The following SYN2 variants were observed in gnomAD, a reference collection of about 807,000 sequenced individuals.
SYN2 encodes synapsin II.
Under a neutral mutation model 50.9 loss-of-function variants are expected in SYN2, and 19 were observed. That is an observed-to-expected ratio of 0.37 (90% CI 0.26 to 0.55). The LOEUF (loss-of-function observed/expected upper bound fraction) is 0.55. SYN2 is among the 20% of genes least tolerant of loss of function. SYN2 has a pLI of 0.81. For missense variants in SYN2, 587 were observed against 576.4 expected (o/e 1.02, Z -0.19); for synonymous variants, 255 against 224.9 (o/e 1.13, Z -1.20).
intron 1 of SYN2, among the ~76,000 whole-genome samples, chr3:12,027,453 C>T: frequency 6.6e-6 from 1 of 152,052 alleles, no homozygotes; most frequent in East Asian, 1.9e-4. Context: ...CTTGAGATGT[C>T]CCTAGATCCT....
chr3:12,021,531 T>C (rs1694134023), intron 1 of SYN2, among the ~76,000 whole-genome samples: 1 of 152,184 alleles, frequency 6.6e-6, no homozygotes, highest in Non-Finnish European at 1.5e-5. Flanking sequence ...GGTGGACCAC[T>C]TGAGCCCTGT....
intron 10 of SYN2, among the ~76,000 whole-genome samples, chr3:12,170,895 A>G (rs895375759): frequency 1.3e-5 from 2 of 152,242 alleles, no homozygotes; most frequent in Admixed American, 6.5e-5. Flanking sequence ...CTCTCCATTT[A>G]TTAGCTTCGT....
intron 1 of SYN2, among the ~76,000 whole-genome samples, chr3:12,030,310 G>A (rs1173089563): frequency 8.7e-6 from 1 of 114,972 alleles, no homozygotes; most frequent in Non-Finnish European, 1.9e-5. Flanking sequence ...TTGCATCAAT[G>A]TTCATCAAGA....
intron 1 of SYN2, among the ~76,000 whole-genome samples, chr3:12,041,422 T>G (rs1181696376): frequency 6.6e-6 from 1 of 152,230 alleles, no homozygotes; most frequent in African/African-American, 2.4e-5. Flanking sequence ...CTCCAAGCTG[T>G]TTTTCTGCCA....
At chr3:12,078,389 C>T (rs1404385370) in intron 1 of SYN2, among the ~76,000 whole-genome samples, 1 of 152,040 alleles carries the variant, frequency 6.6e-6, no homozygotes, top group Non-Finnish European at 1.5e-5. Flanking sequence ...GTGCCTATGT[C>T]CTAAATGGTA....
chr3:12,033,314 C>G (rs374059608), intron 1 of SYN2, among the ~76,000 whole-genome samples: 31 of 152,316 alleles, frequency 2.0e-4, no homozygotes, highest in African/African-American at 3.4e-4. Context: ...AATCACCCGT[C>G]TTCTGCGTTG....
chr3:12,146,093 G>A (rs942075190), intron 4 of SYN2, among the ~76,000 whole-genome samples: 10 of 152,220 alleles, frequency 6.6e-5, no homozygotes, highest in African/African-American at 2.2e-4. Context: ...CCTTTGCTGC[G>A]GAGTGGACCT....
At chr3:12,159,814 G>A (rs577243226) in intron 5 of SYN2, among the ~76,000 whole-genome samples, 11 of 151,784 alleles carry the variant, frequency 7.2e-5, no homozygotes, top group Admixed American at 2.0e-4. Flanking sequence ...AAGCCAAGGC[G>A]GGTTGATCAC....
chr3:12,050,976 C>A (rs2125155110), intron 1 of SYN2, among the ~76,000 whole-genome samples: 1 of 150,342 alleles, frequency 6.7e-6, no homozygotes, highest in African/African-American at 2.4e-5. Flanking sequence ...ACCTCATGAT[C>A]CACCCGCCTC....
chr3:12,146,184 G>T (rs75308913), intron 4 of SYN2, among the ~76,000 whole-genome samples: 17 of 152,222 alleles, frequency 1.1e-4, no homozygotes, highest in Non-Finnish European at 2.1e-4. Context: ...GCCATAGGCT[G>T]CAATGATAAA....
chr3:12,110,443 G>T (rs1380966968), intron 1 of SYN2, among the ~76,000 whole-genome samples: 1 of 152,192 alleles, frequency 6.6e-6, no homozygotes, highest in Non-Finnish European at 1.5e-5. Flanking sequence ...TCGGAGGACA[G>T]TGGCCCTCTT....
At chr3:12,097,131 A>G (rs1380239565) in intron 1 of SYN2, among the ~76,000 whole-genome samples, 1 of 152,216 alleles carries the variant, frequency 6.6e-6, no homozygotes, top group Non-Finnish European at 1.5e-5. Context: ...AGGATCTAGA[A>G]CTAGAAGTAC....
intron 10 of SYN2, among the ~76,000 whole-genome samples, chr3:12,174,051 C>T (rs755483394): frequency 3.9e-5 from 6 of 152,120 alleles, no homozygotes; most frequent in South Asian, 4.2e-4. Context: ...CCCCGCCCAT[C>T]GCTTGGTTTT....
intron 5 of SYN2, among the ~76,000 whole-genome samples, chr3:12,160,449 G>C (rs969388336): frequency 6.6e-6 from 1 of 152,036 alleles, no homozygotes; most frequent in African/African-American, 2.4e-5. Context: ...TTTTCATCAG[G>C]GTCAACATTA....
In SYN2 at chr3:12,157,529, A is replaced by G. The variant is rs879120429; in HGVS notation, c.775-4017A>G. Reference sequence around the variant, plus strand: ...GGAACCTTCAGCAGCTGGTGGGGGCAATACACCTGAGGTCTGGATGATCCA... The same window carrying G: ...GGAACCTTCAGCAGCTGGTGGGGGCGATACACCTGAGGTCTGGATGATCCA... On this transcript the variant is annotated intron_variant, in intron 5 of 12. Coordinates refer to ENST00000621198, the MANE Select transcript of SYN2 (RefSeq NM_133625.6). 7 of 1,568,810 alleles carry G rather than the reference A, an allele frequency of 4.5e-6. No homozygotes were observed. The South Asian group carries it at 7.8e-5, about 17-fold the overall frequency.
At chr3:12,113,161 C>T (rs1696360466) in intron 1 of SYN2, among the ~76,000 whole-genome samples, 1 of 152,080 alleles carries the variant, frequency 6.6e-6, no homozygotes, top group Non-Finnish European at 1.5e-5. Flanking sequence ...TATTTGTGGT[C>T]CAGATCAGCA....
chr3:12,055,479 G>GA (rs1217963099), intron 1 of SYN2, among the ~76,000 whole-genome samples: 1 of 152,112 alleles, frequency 6.6e-6, no homozygotes, highest in Non-Finnish European at 1.5e-5. Context: ...AAAGAAATAT[G>GA]AAAAATAATG....
At chr3:12,051,013 G>A (rs1243447619) in intron 1 of SYN2, among the ~76,000 whole-genome samples, 1 of 151,864 alleles carries the variant, frequency 6.6e-6, no homozygotes, top group Admixed American at 6.6e-5. Context: ...GGGATTACAG[G>A]CGTGAGCCAC....
At chr3:12,133,275 C>T (rs73813132) in intron 1 of SYN2, among the ~76,000 whole-genome samples, 5,100 of 152,260 alleles carry the variant, frequency 0.033, 265 homozygotes, top group African/African-American at 0.11. Context: ...TTCATGTCTT[C>T]CTGTTCTTTG....
Sources: allele counts gnomAD v4.1 joint callset (sites outside exome capture counted in the v4.1 genomes callset), GRCh38; gene constraint gnomAD v4.1.1; transcripts MANE v1.5; gene names NCBI Gene and HGNC (gene_info 2026-07-23, HGNC 2026-07-21).